TRMU: variants seen among roughly 807,000 people sequenced by gnomAD.
TRMU encodes the protein mitochondrial tRNA-specific 2-thiouridylase 1.
Under a neutral mutation model 46.9 loss-of-function variants are expected in TRMU, and 49 were observed. The observed-to-expected ratio is 1.05, with a 90% confidence interval of 0.83 to 1.33. The LOEUF is 1.33. Ranked by LOEUF, TRMU falls within the 40% of genes most tolerant of loss-of-function variation. The pLI is 0.00. For synonymous variants in TRMU, 241 were observed against 200.9 expected, an observed-to-expected ratio of 1.20 and a Z score of -1.69; for missense variants, 572 against 532.4, an observed-to-expected ratio of 1.07 and a Z score of -0.73.
In TRMU at chr22:46,342,039, C is replaced by G. The variant is rs539501666; in HGVS notation, c.249-1223C>G. Among the ~76,000 whole-genome samples, 4 of 152,312 alleles carry G rather than the reference C, an allele frequency of 2.6e-5. No homozygotes were observed. The highest frequency in any genetic ancestry group is 1.9e-4 in the East Asian group (1 of 5,180). On this transcript the variant is annotated intron_variant, in intron 2 of 10. Coordinates refer to ENST00000645190, the MANE Select transcript of TRMU (RefSeq NM_018006.5). This position sits in a 1 kb window ranked among gnomAD's most constrained non-coding sequence, Gnocchi z 4.7. Reference sequence around the variant, plus strand: ...AAAGGTGTGGGGGGTTTTCCCCATACAGCAAGCAGTGGACACCGACTGGGT... The same window carrying G: ...AAAGGTGTGGGGGGTTTTCCCCATAGAGCAAGCAGTGGACACCGACTGGGT...
chr22:46,352,614 G>A (rs2078466801), intron 7 of TRMU: 1 of 527,924 alleles, frequency 1.9e-6, no homozygotes, highest in African/African-American at 1.9e-5. Flanking sequence ...TCAAGTCCCT[G>A]TAAAAAGAAT....
In TRMU at chr22:46,336,105, CA is replaced by C; in HGVS notation, c.82+260del. ...CTCTCCACCCACGCGCGCCCACCCA[CA>C]GTGAGAAGCCGGCGGGCCGGGGTGG... On this transcript the variant is annotated intron_variant, in intron 1 of 10. Transcript: ENST00000645190. This position sits in a 1 kb window ranked among gnomAD's most constrained non-coding sequence, Gnocchi z 4.1. 7.4e-7 allele frequency: 1 copy of C among 1,357,336 alleles called. No homozygotes were observed. The highest frequency in any genetic ancestry group is 3.1e-5 in the East Asian group (1 of 32,464). 84.1% of individuals were successfully genotyped at this position (1,357,336 alleles called of 1,614,324 possible).
At position 46,338,678 on chromosome 22, in the gene TRMU, C is replaced by T. The variant is rs368798980; in HGVS notation, c.248+734C>T. ...ACTCCAAATGGGGTAACGAGAGCAG[C>T]GTGAAGGGGAGAAGAAATGCTGATT... is the stretch of plus-strand genomic sequence containing the variant. On this transcript the variant is annotated intron_variant, in intron 2 of 10. Coordinates refer to ENST00000645190, the MANE Select transcript of TRMU (RefSeq NM_018006.5). The surrounding 1 kb of genome is among the most constrained non-coding windows in gnomAD (Gnocchi z 4.5). Among the ~76,000 whole-genome samples, 1 of 152,162 alleles carries T rather than the reference C, an allele frequency of 6.6e-6. No homozygotes were observed. Among genetic ancestry groups the T allele is most frequent in the Non-Finnish European group, 1.5e-5 (1 of 68,032 alleles).
At chr22:46,354,277 C>A (rs894501817) in intron 8 of TRMU, 2 of 279,026 alleles carry the variant, frequency 7.2e-6, no homozygotes, top group Non-Finnish European at 7.1e-6. Context: ...TCAAACCAAG[C>A]CTTCCACCAC....
At position 46,350,886 on chromosome 22, in the gene TRMU, C is replaced by A. The variant is rs2078400309; in HGVS notation, c.651+423C>A. Among the ~76,000 whole-genome samples the A allele has an allele frequency of 6.6e-6, 1 of 152,240 alleles. No homozygotes were observed. Among genetic ancestry groups the A allele is most frequent in the Non-Finnish European group, 1.5e-5 (1 of 68,036 alleles). On this transcript the variant is annotated intron_variant, in intron 5 of 10. Coordinates refer to ENST00000645190, the MANE Select transcript of TRMU (RefSeq NM_018006.5). The surrounding 1 kb of genome is among the most constrained non-coding windows in gnomAD (Gnocchi z 4.6). ...CCGGCACAGACTCGTTCGGTGCCAT[C>A]TGTTCGGGCGCTGTGCTGCTGGGCC...
At chr22:46,337,700 T>C in intron 1 of TRMU, 79 bp from the exon 2 acceptor site, 1 of 1,574,100 alleles carries the variant, frequency 6.4e-7, no homozygotes, top group Non-Finnish European at 8.7e-7. Context: ...TGTGGGGAAC[T>C]TCTCAGAGCT....
Position 46,350,126 on chromosome 22 carries a change from T to C in TRMU, c.479-165T>C, listed in dbSNP as rs1344296308. 6.6e-6 allele frequency among the ~76,000 whole-genome samples: 1 copy of C among 152,184 alleles called. No homozygotes were observed. Among genetic ancestry groups the C allele is most frequent in the East Asian group, 1.9e-4 (1 of 5,204 alleles). On this transcript the variant is annotated intron_variant, in intron 4 of 10. Transcript: ENST00000645190. This position sits in a 1 kb window ranked among gnomAD's most constrained non-coding sequence, Gnocchi z 4.6. ...TTTTTTTGGAGGTGCGAATTTTTCT[T>C]ACATTAACCCGTGGTGGTCTTTTCC...
rs1381078791 is a variant in TRMU at position 46,351,059 on chromosome 22, G to A, written c.651+596G>A. 1.3e-5 allele frequency among the ~76,000 whole-genome samples: 2 copies of A among 152,222 alleles called. No individual in the cohort carries two copies. Among genetic ancestry groups the A allele is most frequent in the South Asian group, 4.1e-4 (2 of 4,832 alleles). On this transcript the variant is annotated intron_variant, in intron 5 of 10. Transcript: ENST00000645190. This position sits in a 1 kb window ranked among gnomAD's most constrained non-coding sequence, Gnocchi z 6.4. The stretch of plus-strand genomic sequence containing the variant: ...AGGACCCTGGGTGGGAAGCACCAGT[G>A]GGGTCTGAGAGTAGGGAATGGAGAT...
rs1046115545 is a variant in TRMU, at chr22:46,348,869, T to G, written c.479-1422T>G. Among the ~76,000 whole-genome samples, 3 of 152,060 alleles carry G rather than the reference T, an allele frequency of 2.0e-5. No homozygotes were observed. The highest frequency in any genetic ancestry group is 7.2e-5 in the African/African-American group (3 of 41,390). On this transcript the variant is annotated intron_variant, in intron 4 of 10. Transcript: ENST00000645190. The surrounding 1 kb of genome is among the most constrained non-coding windows in gnomAD (Gnocchi z 4.8). ...GGACTCTGAGGCCAGGTGCGGTGGC[T>G]CATGCCTGTAATCACAGCACTTTGG...
chr22:46,343,515 AG>A (rs1428728210), intron 3 of TRMU, 147 bp downstream of exon 3: 1 of 665,830 alleles, frequency 1.5e-6, no homozygotes, highest in Non-Finnish European at 2.6e-6. Context: ...GCTCCTGAGT[AG>A]CTTGGACCAC....
chr22:46,355,105 GC>G (rs754478353), intron 8 of TRMU: 26 of 432,638 alleles, frequency 6.0e-5, no homozygotes, highest in Non-Finnish European at 1.0e-4. Flanking sequence ...CTCGAGGGGG[GC>G]CGTGCTGCTG....
chr22:46,356,871 C>T lies in TRMU; in HGVS notation c.1131C>T (p.Cys377=), dbSNP rs775741824. 9.3e-6 allele frequency: 15 copies of T among 1,613,444 alleles called. No individual in the cohort carries two copies. In the East Asian group the frequency reaches 2.5e-4, roughly 26 times the overall value. Residue 377 remains cysteine, a synonymous_variant, in exon 11 of 11, where the codon TGC becomes TGT. Coordinates refer to ENST00000645190, the MANE Select transcript of TRMU (RefSeq NM_018006.5). ...CTGTGTTCTACAAGGGGGACGAGTG[C>T]CTGGGCAGCGGGAAGATCCTGCGGC... ...QFAVFYKGDE[C]LGSGKILRLG... is the part of the protein sequence containing the mutation.
Position 46,350,435 on chromosome 22 carries a change from G to C in TRMU, c.623G>C (p.Arg208Thr), listed in dbSNP as rs1248154959. ...EFVKKIAAEN[R>T]LHHVLQKKES... ...GTAAAGAAAATCGCTGCTGAGAATA[G>C]ACTTCATCATGTGCTTCAGAAGAAA... The change falls in exon 5 of 11, where the codon AGA becomes ACA. Residue 208 changes from arginine (R) to threonine (T), a missense_variant. Transcript: ENST00000645190. This position sits in a 1 kb window ranked among gnomAD's most constrained non-coding sequence, Gnocchi z 4.6. The C allele has an allele frequency of 1.2e-6, 2 of 1,613,916 alleles. No individual in the cohort carries two copies. The highest frequency in any genetic ancestry group is 1.7e-6 in the Non-Finnish European group (2 of 1,180,024).
intron 7 of TRMU, 31 bp from the exon 8 acceptor site, chr22:46,353,736 C>T: frequency 6.2e-7 from 1 of 1,606,262 alleles, no homozygotes. Context: ...AACTTGTTGC[C>T]CAGCCTCATG....
At position 46,349,980 on chromosome 22, in the gene TRMU, G is replaced by A. The variant is rs1601967671; in HGVS notation, c.479-311G>A. 7.6e-6 allele frequency among the ~76,000 whole-genome samples: 1 copy of A among 130,898 alleles called. No homozygotes were observed. Among genetic ancestry groups the A allele is most frequent in the African/African-American group, 2.7e-5 (1 of 37,210 alleles). 85.9% of individuals were successfully genotyped at this position (130,898 alleles called of 152,430 possible). A position where few individuals can be genotyped will look rare whatever the true frequency, so the allele number is the denominator to read the frequency against. On this transcript the variant is annotated intron_variant, in intron 4 of 10. Transcript: ENST00000645190. The surrounding 1 kb of genome is among the most constrained non-coding windows in gnomAD (Gnocchi z 4.6). Reference sequence around the variant, plus strand: ...AGATTTGGCTGAATTTATTTTAGGTGTTTTTTTTTTTTTTTCTTATCACTT... The same window carrying A: ...AGATTTGGCTGAATTTATTTTAGGTATTTTTTTTTTTTTTTCTTATCACTT...
chr22:46,337,983 CT>C, intron 2 of TRMU, 39 bp downstream of exon 2: 2 of 1,613,264 alleles, frequency 1.2e-6, no homozygotes, highest in Non-Finnish European at 1.7e-6. Context: ...CTTCCTCACA[CT>C]GTGGATCCTT....
chr22:46,355,797 C>G, intron 9 of TRMU, 193 bp from the exon 10 acceptor site: 1 of 1,036,218 alleles, frequency 9.7e-7, no homozygotes, highest in Non-Finnish European at 1.4e-6. Context: ...CAGGCCCCGG[C>G]GTGTTGGGCT....
Position 46,337,851 on chromosome 22 carries a change from A to G in TRMU, c.155A>G (p.Lys52Arg). The change falls in exon 2 of 11, where the codon AAA becomes AGA. Residue 52 changes from lysine (K) to arginine (R), a missense_variant. Physicochemically the swap from Lys to Arg is conservative, Grantham distance 26. Transcript: ENST00000645190. ...GAACATGGGGTCTGTACTGCCGACA[A>G]AGACTGTGAAGATGCTTACAGAGTT... Reference protein sequence around the residue: ...LDEHGVCTADKDCEDAYRVCQ... With the variant: ...LDEHGVCTADRDCEDAYRVCQ... The G allele has an allele frequency of 6.2e-7, 1 of 1,614,254 alleles. No homozygotes were observed. The highest frequency in any genetic ancestry group is 1.7e-5 in the Admixed American group (1 of 60,032).
At position 46,336,223 on chromosome 22, in the gene TRMU, C is replaced by A. The variant is rs2077973057; in HGVS notation, c.82+377C>A. 9.8e-7 allele frequency: 1 copy of A among 1,022,840 alleles called. No homozygotes were observed. Among genetic ancestry groups the A allele is most frequent in the South Asian group, 2.4e-5 (1 of 41,794 alleles). 63.4% of individuals were successfully genotyped at this position (1,022,840 alleles called of 1,614,324 possible). A position where few individuals can be genotyped will look rare whatever the true frequency, so the allele number is the denominator to read the frequency against. On this transcript the variant is annotated intron_variant, in intron 1 of 10. Transcript: ENST00000645190. The surrounding 1 kb of genome is among the most constrained non-coding windows in gnomAD (Gnocchi z 4.1). ...GGTGAGGGGAGCTGGGATCGCCGGG[C>A]CGGGGGCCTGACCTCTGCACACGCT...
Sources: allele counts gnomAD v4.1 joint callset (sites outside exome capture counted in the v4.1 genomes callset), GRCh38; gene constraint gnomAD v4.1.1; non-coding constraint Gnocchi (gnomAD v3.1); transcripts MANE v1.5; gene names NCBI Gene and HGNC (gene_info 2026-07-23, HGNC 2026-07-21).